TFPI: variants seen among roughly 807,000 people sequenced by gnomAD.
The protein encoded by TFPI is anti-convertin.
A neutral mutation model predicts 34.6 loss-of-function variants in TFPI; 15 were observed. The ratio of observed to expected loss-of-function variants is 0.43; its 90% CI spans 0.29 to 0.67. TFPI has a LOEUF of 0.67. Among genes scored for constraint, TFPI ranks in the 30% least tolerant of loss-of-function variants. The probability of loss-of-function intolerance (pLI) is 0.15; values close to 1 mark genes in which losing one functional copy is unlikely to be tolerated. For synonymous variants in TFPI, 105 were observed against 120.1 expected (o/e 0.87, Z 0.82); for missense variants, 301 against 364.0 (o/e 0.83, Z 1.41).
At chr2:187,538,429 T>TAG (rs1688387855) in intron 1 of TFPI, among the ~76,000 whole-genome samples, 1 of 152,212 alleles carries the variant, frequency 6.6e-6, no homozygotes, top group African/African-American at 2.4e-5. Context: ...GTTCATGTCC[T>TAG]TTGCAGGGAA....
intron 1 of TFPI, among the ~76,000 whole-genome samples, chr2:187,548,632 T>C (rs758292428): frequency 1.1e-4 from 16 of 152,120 alleles, no homozygotes; most frequent in Admixed American, 1.0e-3. Flanking sequence ...TATTAGATGA[T>C]AATATCGAAT....
Position 187,470,807 on chromosome 2 carries a change from A to G in TFPI, c.629-2875T>C, listed in dbSNP as rs1014696581. Among the ~76,000 whole-genome samples the G allele has an allele frequency of 6.6e-5, 10 of 152,168 alleles. 1 individual carries two copies. The highest frequency in any genetic ancestry group is 1.5e-4 in the Non-Finnish European group (10 of 68,030). ...ATTGCCTCTACTGACACTCTTTATGACTTCTGAATCAGAGGGTGTCTGGCA... is the reference window on the plus strand; with the variant it reads ...ATTGCCTCTACTGACACTCTTTATGGCTTCTGAATCAGAGGGTGTCTGGCA... On this transcript the variant is annotated intron_variant, in intron 6 of 7. Transcript: ENST00000233156.
intron 1 of TFPI, among the ~76,000 whole-genome samples, chr2:187,508,903 G>A (rs1197712870): frequency 6.6e-6 from 1 of 152,098 alleles, no homozygotes; most frequent in Non-Finnish European, 1.5e-5. Flanking sequence ...TCCAGGTTTT[G>A]CCCATTCCAT....
chr2:187,520,150 G>C (rs1330813335), intron 1 of TFPI, among the ~76,000 whole-genome samples: 3 of 152,106 alleles, frequency 2.0e-5, no homozygotes, highest in Non-Finnish European at 4.4e-5. Context: ...CTTTCCAGGG[G>C]AGTGAACAGA....
At chr2:187,521,507 C>T (rs899773679) in intron 1 of TFPI, among the ~76,000 whole-genome samples, 13 of 151,924 alleles carry the variant, frequency 8.6e-5, no homozygotes, top group African/African-American at 2.9e-4. Context: ...TTTTGAGAAA[C>T]CTTCATATTA....
At chr2:187,551,633 T>C (rs1689100158) in intron 1 of TFPI, among the ~76,000 whole-genome samples, 5 of 152,062 alleles carry the variant, frequency 3.3e-5, no homozygotes, top group Admixed American at 3.3e-4. Context: ...CCAGGAAAGA[T>C]GGTCTATTAT....
intron 6 of TFPI, chr2:187,478,818 A>G: frequency 6.2e-7 from 1 of 1,602,296 alleles, no homozygotes. Flanking sequence ...GGATCACAAA[A>G]TTGATAAATA....
At chr2:187,470,722 G>A (rs1032619795) in intron 6 of TFPI, among the ~76,000 whole-genome samples, 1 of 152,214 alleles carries the variant, frequency 6.6e-6, no homozygotes, top group Non-Finnish European at 1.5e-5. Context: ...AGAGCAAACA[G>A]ACAGTTGACC....
intron 1 of TFPI, among the ~76,000 whole-genome samples, chr2:187,525,831 G>A (rs999568370): frequency 6.7e-6 from 1 of 150,374 alleles, no homozygotes; most frequent in African/African-American, 2.5e-5. Flanking sequence ...GGACCATGAG[G>A]AAATAACAAA....
intron 1 of TFPI, among the ~76,000 whole-genome samples, chr2:187,542,055 A>G (rs1358813337): frequency 6.6e-6 from 1 of 152,194 alleles, no homozygotes; most frequent in Non-Finnish European, 1.5e-5. Context: ...AACAGAGGCT[A>G]TGAAAACAGA....
At chr2:187,484,019 G>T (rs550174753) in intron 6 of TFPI, 105 bp downstream of exon 6, 1 of 865,796 alleles carries the variant, frequency 1.2e-6, no homozygotes, top group Non-Finnish European at 1.8e-6. Flanking sequence ...AAGCAACAAC[G>T]CAGGTATATA....
At chr2:187,473,147 T>C (rs1692159153) in intron 6 of TFPI, among the ~76,000 whole-genome samples, 1 of 152,172 alleles carries the variant, frequency 6.6e-6, no homozygotes, top group African/African-American at 2.4e-5. Context: ...TTATATTTTG[T>C]ACCAACACAC....
chr2:187,514,927 A>C (rs571683540), intron 1 of TFPI: 4 of 152,370 alleles, frequency 2.6e-5, no homozygotes, highest in South Asian at 2.1e-4. Context: ...GATAAACTAC[A>C]TCTATTACAA....
intron 2 of TFPI, 132 bp downstream of exon 2, chr2:187,503,516 T>C: frequency 3.1e-6 from 3 of 952,614 alleles, no homozygotes; most frequent in Non-Finnish European, 4.6e-6. Context: ...TTAGGTATAA[T>C]AAATTTCCAA....
At chr2:187,542,777 G>C (rs1688651172) in intron 1 of TFPI, among the ~76,000 whole-genome samples, 1 of 149,682 alleles carries the variant, frequency 6.7e-6, no homozygotes, top group Non-Finnish European at 1.5e-5. Context: ...TGAGGCAGGA[G>C]AATTGCTTGA....
chr2:187,534,976 C>T (rs1559152363), intron 1 of TFPI, among the ~76,000 whole-genome samples: 2 of 151,618 alleles, frequency 1.3e-5, no homozygotes, highest in African/African-American at 4.8e-5. Context: ...CAACAAAGAT[C>T]GAAAGAGCCA....
rs78436351 is a variant in TFPI, at chr2:187,482,033, C to T, written c.628+2091G>A. ...TTAAAACTCATTAATATTACTTTCTCACACTAATTTTTATTTTGCCCTTTC... is the reference window on the plus strand; with the variant it reads ...TTAAAACTCATTAATATTACTTTCTTACACTAATTTTTATTTTGCCCTTTC... On this transcript the variant is annotated intron_variant, in intron 6 of 7. Transcript: ENST00000233156. Among the ~76,000 whole-genome samples, 211 of 152,124 alleles carry T rather than the reference C, an allele frequency of 1.4e-3. 7 individuals are homozygous for T. In the East Asian group the frequency reaches 0.037, roughly 27 times the overall value.
At position 187,508,881 on chromosome 2, in the gene TFPI, A is replaced by C. The variant is rs188199295; in HGVS notation, c.-2-5111T>G. 1.3e-3 allele frequency among the ~76,000 whole-genome samples: 192 copies of C among 152,338 alleles called. 1 individual carries two copies. Among genetic ancestry groups the C allele is most frequent in the African/African-American group, 4.4e-3 (181 of 41,566 alleles). Reference sequence around the variant, plus strand: ...GCATCTTTGTCTTGTACTGGCTTTCAAAGGGAATGCTTCCAGGTTTTGCCC... The same window carrying C: ...GCATCTTTGTCTTGTACTGGCTTTCCAAGGGAATGCTTCCAGGTTTTGCCC... On this transcript the variant is annotated intron_variant, in intron 1 of 7. Coordinates refer to ENST00000233156, the MANE Select transcript of TFPI (RefSeq NM_006287.6).
chr2:187,502,771 T>A (rs1054690678), intron 2 of TFPI, among the ~76,000 whole-genome samples: 2 of 152,154 alleles, frequency 1.3e-5, no homozygotes, highest in Non-Finnish European at 2.9e-5. Flanking sequence ...GCACCTCATC[T>A]CAGCCATACC....
Sources: gnomAD v4.1 joint callset for allele counts (sites outside exome capture counted in the v4.1 genomes callset) on GRCh38, gnomAD v4.1.1 for gene constraint, MANE v1.5 for transcripts, NCBI Gene and HGNC (gene_info 2026-07-23, HGNC 2026-07-21) for gene names.